ARB2A: variants seen among roughly 807,000 people sequenced by gnomAD.
The protein encoded by ARB2A is cotranscriptional regulator ARB2A.
chr5:94,045,187 G>A, the ARB2A span, among the ~76,000 whole-genome samples: 1 of 151,040 alleles, frequency 6.6e-6, no homozygotes, highest in East Asian at 1.9e-4. Context: ...AAAAGGGGAG[G>A]TGTGAATAAT....
chr5:93,630,210 G>T, the ARB2A span, among the ~76,000 whole-genome samples: 2 of 152,130 alleles, frequency 1.3e-5, no homozygotes, highest in Non-Finnish European at 2.9e-5. Flanking sequence ...ACAAAGAAGG[G>T]CTTCTATTGG....
At chr5:94,067,082 C>G in the ARB2A span, among the ~76,000 whole-genome samples, 1 of 152,088 alleles carries the variant, frequency 6.6e-6, no homozygotes, top group South Asian at 2.1e-4. Context: ...GAATGAAGAA[C>G]AAAAACCATA....
At chr5:94,007,094 T>C in the ARB2A span, among the ~76,000 whole-genome samples, 1 of 152,180 alleles carries the variant, frequency 6.6e-6, no homozygotes, top group Non-Finnish European at 1.5e-5. Context: ...TCAGAAATTA[T>C]TCCCAAATCT....
the ARB2A span, among the ~76,000 whole-genome samples, chr5:94,035,812 C>T: frequency 4.0e-5 from 6 of 151,878 alleles, no homozygotes; most frequent in African/African-American, 7.2e-5. Context: ...ACAATGAGAA[C>T]GTATGGACAG....
chr5:93,847,586 G>A, the ARB2A span, among the ~76,000 whole-genome samples: 1 of 152,030 alleles, frequency 6.6e-6, no homozygotes, highest in African/African-American at 2.4e-5. Context: ...TAAAATTAAG[G>A]GGAGGGACTA....
the ARB2A span, among the ~76,000 whole-genome samples, chr5:94,051,215 T>C: frequency 1.3e-5 from 2 of 152,148 alleles, no homozygotes. Flanking sequence ...TTCAGGAAGC[T>C]AAACAATCGA....
At chr5:94,052,103 G>C in the ARB2A span, among the ~76,000 whole-genome samples, 5 of 152,200 alleles carry the variant, frequency 3.3e-5, no homozygotes, top group Admixed American at 3.3e-4. Context: ...TTGCAGACAT[G>C]AGCCACCACA....
At chr5:93,778,556 T>C in the ARB2A span, among the ~76,000 whole-genome samples, 3 of 152,024 alleles carry the variant, frequency 2.0e-5, no homozygotes, top group Non-Finnish European at 4.4e-5. Flanking sequence ...TTTCTCTCTC[T>C]TTTTTTTAAA....
chr5:93,826,894 C>A, the ARB2A span, among the ~76,000 whole-genome samples: 1 of 151,828 alleles, frequency 6.6e-6, no homozygotes, highest in Non-Finnish European at 1.5e-5. Flanking sequence ...TGATTTCTAG[C>A]TTCATCCATG....
the ARB2A span, among the ~76,000 whole-genome samples, chr5:93,926,599 T>C: frequency 6.6e-6 from 1 of 152,020 alleles, no homozygotes; most frequent in Non-Finnish European, 1.5e-5. Context: ...TCTGCAAAAT[T>C]CACCATGGAA....
chr5:93,683,009 G>C, the ARB2A span: 3 of 1,577,656 alleles, frequency 1.9e-6, no homozygotes, highest in Non-Finnish European at 1.7e-6. Context: ...AGGTCCTTTT[G>C]GTGTTTTAGG....
chr5:93,689,699 T>A, the ARB2A span, among the ~76,000 whole-genome samples: 11 of 149,010 alleles, frequency 7.4e-5, no homozygotes, highest in East Asian at 1.7e-3. Context: ...TTTTCTCTCT[T>A]TTTTTTTTTT....
At chr5:93,714,081 A>G in the ARB2A span, among the ~76,000 whole-genome samples, 3 of 152,342 alleles carry the variant, frequency 2.0e-5, no homozygotes, top group East Asian at 5.8e-4. Context: ...AATATGTGCC[A>G]AAAAATAAAA....
chr5:93,651,573 T>C, the ARB2A span, among the ~76,000 whole-genome samples: 5 of 152,200 alleles, frequency 3.3e-5, no homozygotes, highest in South Asian at 2.1e-4. Context: ...ATAAGTTCTT[T>C]AGGCTGAAAG....
At chr5:93,739,924 A>G in the ARB2A span, 2 of 151,378 alleles carry the variant, frequency 1.3e-5, no homozygotes, top group Middle Eastern at 3.5e-3. Flanking sequence ...GTCCCATGGG[A>G]CTACATAAAG....
the ARB2A span, among the ~76,000 whole-genome samples, chr5:93,670,532 TCAGGGCCATGTA>T: frequency 6.6e-6 from 1 of 152,212 alleles, no homozygotes; most frequent in East Asian, 1.9e-4. Flanking sequence ...TCAGCATAAC[TCAGGGCCATGTA>T]CCATGTCTGT....
At chr5:93,986,346 C>T in the ARB2A span, among the ~76,000 whole-genome samples, 2 of 151,632 alleles carry the variant, frequency 1.3e-5, no homozygotes, top group Admixed American at 6.6e-5. Context: ...CGCCCGGCAG[C>T]CACCGTGTCT....
the ARB2A span, among the ~76,000 whole-genome samples, chr5:93,994,646 C>A: frequency 2.6e-5 from 4 of 151,706 alleles, no homozygotes; most frequent in African/African-American, 9.7e-5. Context: ...GGAGACATGA[C>A]AATTTGAAAA....
the ARB2A span, among the ~76,000 whole-genome samples, chr5:93,854,786 C>T: frequency 6.6e-6 from 1 of 152,168 alleles, no homozygotes. Context: ...GTTTCTTAAT[C>T]CTGAGTTCTA....
Sources: gnomAD v4.1 joint callset for allele counts (sites outside exome capture counted in the v4.1 genomes callset) on GRCh38, gnomAD v4.1.1 for gene constraint, MANE v1.5 for transcripts, NCBI Gene and HGNC (gene_info 2026-07-23, HGNC 2026-07-21) for gene names.